The following CCL25 variants were observed in gnomAD, a reference collection of about 807,000 sequenced individuals.
CCL25 encodes C-C motif chemokine 25.
In CCL25, 14 loss-of-function variants were observed where a neutral mutation model predicts 19.9. The ratio of observed to expected loss-of-function variants is 0.70; its 90% CI spans 0.47 to 1.10. The LOEUF (loss-of-function observed/expected upper bound fraction) is 1.10, where lower values mean the gene tolerates loss of function less well. Among genes scored for constraint, CCL25 ranks in the 50% least tolerant of loss-of-function variants. The probability of loss-of-function intolerance (pLI) is 0.00; values close to 1 mark genes in which losing one functional copy is unlikely to be tolerated. For missense variants in CCL25, 151 were observed against 181.2 expected (o/e 0.83, Z 0.96); for synonymous variants, 68 against 73.2 (o/e 0.93, Z 0.36).
intron 2 of CCL25, among the ~76,000 whole-genome samples, chr19:8,054,154 G>T (rs1421918633): frequency 6.6e-6 from 1 of 152,200 alleles, no homozygotes; most frequent in Non-Finnish European, 1.5e-5. Context: ...GCTGGCCAAA[G>T]CAGGGTCCCT....
At chr19:8,061,147 G>A (rs538761949) in intron 5 of CCL25, among the ~76,000 whole-genome samples, 1 of 151,800 alleles carries the variant, frequency 6.6e-6, no homozygotes, top group South Asian at 2.1e-4. Context: ...CACCACCACT[G>A]CCGACTAATT....
At position 8,062,229 on chromosome 19, in the gene CCL25, G is replaced by A. The variant is rs1357135467; in HGVS notation, c.*4G>A. 23 of 1,612,902 alleles carry A rather than the reference G, an allele frequency of 1.4e-5. No individual in the cohort carries two copies. Among genetic ancestry groups the A allele is most frequent in the East Asian group, 4.5e-5 (2 of 44,874 alleles). On this transcript the variant is annotated 3_prime_UTR_variant, in exon 6 of 6. Coordinates refer to ENST00000315626, the MANE Select transcript of CCL25 (RefSeq NM_005624.4). ...CATTGCTTCTGCAGGACTGTGAGCC[G>A]GCTCATTTCTGGGCTCCATCGGCAC... is the stretch of plus-strand genomic sequence containing the variant.
intron 5 of CCL25, among the ~76,000 whole-genome samples, chr19:8,060,982 AT>A (rs68112327): frequency 5.8e-3 from 551 of 95,150 alleles, no homozygotes; most frequent in African/African-American, 8.5e-3. Context: ...GCCCGGCCTA[AT>A]TTTTTTTTTT....
At chr19:8,058,667 AT>A (rs200299220) in intron 5 of CCL25, among the ~76,000 whole-genome samples, 19,858 of 130,836 alleles carry the variant, frequency 0.15, 1,833 homozygotes, top group African/African-American at 0.22. Flanking sequence ...ATTTATTATT[AT>A]TTTTTTTTGA....
intron 5 of CCL25, 105 bp downstream of exon 5, chr19:8,058,025 C>T (rs2081284650): frequency 6.7e-7 from 1 of 1,496,622 alleles, no homozygotes; most frequent in Non-Finnish European, 8.9e-7. Flanking sequence ...CTCCAGGACC[C>T]AGGAGAGGTG....
At chr19:8,054,834 TTTTG>T (rs1390724386) in intron 2 of CCL25, among the ~76,000 whole-genome samples, 2 of 151,788 alleles carry the variant, frequency 1.3e-5, no homozygotes, top group African/African-American at 4.8e-5. Flanking sequence ...TAAAACAATT[TTTTG>T]TTTGTTTGGT....
chr19:8,056,659 T>G (rs2081274850), intron 4 of CCL25, among the ~76,000 whole-genome samples, 160 bp downstream of exon 4: 2 of 152,238 alleles, frequency 1.3e-5, no homozygotes, highest in South Asian at 4.1e-4. Flanking sequence ...ACCAAGTGAA[T>G]GACCAACTGA....
intron 5 of CCL25, among the ~76,000 whole-genome samples, chr19:8,058,665 TTA>T (rs1415012185): frequency 4.0e-5 from 5 of 125,608 alleles, no homozygotes; most frequent in Admixed American, 2.1e-4. Context: ...ATATTTATTA[TTA>T]TTTTTTTTTG....
chr19:8,056,151 G>T lies in CCL25; in HGVS notation c.74-1G>T. The T allele has an allele frequency of 1.9e-6, 3 of 1,539,368 alleles. No homozygotes were observed. The highest frequency in any genetic ancestry group is 1.3e-5 in the South Asian group (1 of 77,814). ...GTATCTGGGCGGCTGTGTGGTTGCA[G>T]GTGTCTTTGAGGACTGCTGCCTGGC... On this transcript the variant is annotated splice_acceptor_variant, in intron 2 of 5. Transcript: ENST00000315626. LOFTEE classifies it high-confidence loss of function.
chr19:8,052,425 G>C (rs1036066053), upstream of CCL25, among the ~76,000 whole-genome samples: 7 of 152,166 alleles, frequency 4.6e-5, no homozygotes, highest in South Asian at 1.5e-3. Flanking sequence ...CAGGTGGCTT[G>C]AGGGCGGGGG....
chr19:8,053,721 T>C (rs1408386444), intron 2 of CCL25, among the ~76,000 whole-genome samples: 1 of 151,890 alleles, frequency 6.6e-6, no homozygotes, highest in East Asian at 1.9e-4. Flanking sequence ...CTAATTTTTG[T>C]ATTTTTTAGT....
rs1275517608 is a variant in CCL25, at chr19:8,062,032, G to C, written c.446-186G>C. ...GCCACTGCACTCCAGTCTGGCGACA[G>C]AGCGAGACTGTCTCAAAAAAAAAAA... On this transcript the variant is annotated intron_variant, in intron 5 of 5. Transcript: ENST00000315626. Among the ~76,000 whole-genome samples the C allele has an allele frequency of 3.0e-5, 4 of 132,446 alleles. No homozygotes were observed. The East Asian group carries it at 8.5e-4, about 28-fold the overall frequency. 86.9% of individuals were successfully genotyped at this position (132,446 alleles called of 152,430 possible). A position where few individuals can be genotyped will look rare whatever the true frequency, so the allele number is the denominator to read the frequency against.
chr19:8,056,390 G>A lies in CCL25; in HGVS notation c.216G>A (p.Arg72=), dbSNP rs2081272759. Residue 72 remains arginine, a synonymous_variant, in exon 4 of 6, where the codon AGG becomes AGA. Transcript: ENST00000315626. ...AAIFYLPKRH[R]KVCGNPKSRE... Reference sequence around the variant, plus strand: ...GATTCTACCTCCCCAAGAGACACAGGAAGGTGTGTGGGAACCCCAAAAGCA... The same window carrying A: ...GATTCTACCTCCCCAAGAGACACAGAAAGGTGTGTGGGAACCCCAAAAGCA... The A allele has an allele frequency of 1.2e-6, 2 of 1,613,844 alleles. No homozygotes were observed. Among genetic ancestry groups the A allele is most frequent in the Non-Finnish European group, 1.7e-6 (2 of 1,179,920 alleles).
chr19:8,062,283 A>G lies in CCL25; in HGVS notation c.*58A>G, dbSNP rs2081323788. On this transcript the variant is annotated 3_prime_UTR_variant, in exon 6 of 6. Transcript: ENST00000315626. ...AGGGGCCGGATCTTTCTCCGATAAA[A>G]CCGTCGCCCTACAGACCCAGCTGTC... 3.1e-6 allele frequency: 5 copies of G among 1,603,688 alleles called. No homozygotes were observed. The South Asian group carries it at 5.5e-5, about 18-fold the overall frequency.
chr19:8,054,677 AC>A (rs1241961811), intron 2 of CCL25, among the ~76,000 whole-genome samples: 1 of 148,914 alleles, frequency 6.7e-6, no homozygotes, highest in African/African-American at 2.5e-5. Context: ...TCCTCTGGGC[AC>A]CCCCCACAGT....
chr19:8,062,024 T>C (rs2145302618), intron 5 of CCL25, among the ~76,000 whole-genome samples, 194 bp from the exon 6 acceptor site: 1 of 131,374 alleles, frequency 7.6e-6, no homozygotes, highest in Admixed American at 9.3e-5. Flanking sequence ...CACTCCAGTC[T>C]GGCGACAGAG....
chr19:8,056,288 G>A lies in CCL25; in HGVS notation c.191+19G>A. ...CTGCGATGTGAGTGGGGCCGTGGGGGCTGGGGGGGTGGGGTGCACACACAG... is the reference window on the plus strand; with the variant it reads ...CTGCGATGTGAGTGGGGCCGTGGGGACTGGGGGGGTGGGGTGCACACACAG... On this transcript the variant is annotated intron_variant, in intron 3 of 5. Transcript: ENST00000315626. 2 of 1,582,964 alleles carry A rather than the reference G, an allele frequency of 1.3e-6. No homozygotes were observed. Among genetic ancestry groups the A allele is most frequent in the Non-Finnish European group, 8.6e-7 (1 of 1,159,218 alleles).
In CCL25 at chr19:8,053,119, C is replaced by T. The variant is rs750364035; in HGVS notation, c.70C>T (p.Gln24Ter). Residue 24 changes from glutamine (Q) to a stop codon, truncating the protein, a stop_gained, in exon 2 of 6, where the codon CAA (glutamine) becomes TAA (stop). Coordinates refer to ENST00000315626, the MANE Select transcript of CCL25 (RefSeq NM_005624.4). LOFTEE classifies it high-confidence loss of function. The part of the protein sequence containing the change: ...LGAWAPAVHT[Q>*]GVFEDCCLAY... ...AGCCTGGGCCCCCGCTGTCCACACC[C>T]AAGGTACTGTGTTCGGCAATGCCTA... The T allele has an allele frequency of 1.4e-4, 221 of 1,553,428 alleles. No individual in the cohort carries two copies. The highest frequency in any genetic ancestry group is 1.9e-4 in the Non-Finnish European group (216 of 1,147,814).
intron 4 of CCL25, 71 bp downstream of exon 4, chr19:8,056,570 C>T (rs2081274365): frequency 1.9e-6 from 3 of 1,564,816 alleles, no homozygotes; most frequent in Non-Finnish European, 2.6e-6. Flanking sequence ...GTGGTTCAGA[C>T]CCCGAGGGAG....
Sources: allele counts gnomAD v4.1 joint callset (sites outside exome capture counted in the v4.1 genomes callset), GRCh38; gene constraint gnomAD v4.1.1; transcripts MANE v1.5; gene names NCBI Gene and HGNC (gene_info 2026-07-23, HGNC 2026-07-21).